The following CACNA1I variants were observed in gnomAD, a reference collection of about 807,000 sequenced individuals.
CACNA1I encodes the protein voltage-dependent T-type calcium channel subunit alpha-1I.
In CACNA1I, 74 loss-of-function variants were observed where a neutral mutation model predicts 201.6. The observed-to-expected ratio is 0.37, with a 90% CI of 0.30 to 0.45. The LOEUF is 0.45. Ranked by LOEUF, CACNA1I falls within the 20% of genes least tolerant of loss-of-function variation. The pLI is 1.00. For synonymous variants in CACNA1I, 1,431 were observed against 1,345.2 expected, an observed-to-expected ratio of 1.06 and a Z score of -1.40; for missense variants, 2,346 against 3,138.1, an observed-to-expected ratio of 0.75 and a Z score of 6.03.
rs368283839 is a variant in CACNA1I, at chr22:39,623,624, CTG to C, written c.580+4230_580+4231del. ...TGTGTGCCTGTGAGGGTGTGTGTGC[CTG>C]TGTGTGTGTGTGCCTGTGTGTGTAT... On this transcript the variant is annotated intron_variant, in intron 4 of 36. Coordinates refer to ENST00000402142, the MANE Select transcript of CACNA1I (RefSeq NM_021096.4). Among the ~76,000 whole-genome samples, 750 of 113,348 alleles carry C rather than the reference CTG, an allele frequency of 6.6e-3. 1 individual carries two copies. Among genetic ancestry groups the C allele is most frequent in the Middle Eastern group, 0.045 (5 of 110 alleles). 74.4% of individuals were successfully genotyped at this position (113,348 alleles called of 152,430 possible).
intron 3 of CACNA1I, among the ~76,000 whole-genome samples, chr22:39,618,777 C>G (rs945883265): frequency 3.9e-5 from 6 of 151,954 alleles, no homozygotes; most frequent in Non-Finnish European, 7.4e-5. Context: ...ATCTCCCAGT[C>G]GCCCTCAAAT....
At chr22:39,594,224 C>T (rs927384832) in intron 1 of CACNA1I, among the ~76,000 whole-genome samples, 6 of 152,088 alleles carry the variant, frequency 3.9e-5, no homozygotes, top group Admixed American at 6.5e-5. Context: ...TGCTGACCTC[C>T]ACTGCTCAGG....
intron 3 of CACNA1I, among the ~76,000 whole-genome samples, chr22:39,618,689 C>T (rs1933635889): frequency 6.6e-6 from 1 of 151,080 alleles, no homozygotes; most frequent in African/African-American, 2.4e-5. Flanking sequence ...GTGCTGAAGT[C>T]CTGGGGTGGG....
At position 39,642,827 on chromosome 22, in the gene CACNA1I, A is replaced by T. The variant is rs771841014; in HGVS notation, c.1087A>T (p.Met363Leu). 1 of 1,611,804 alleles carries T rather than the reference A, an allele frequency of 6.2e-7. No homozygotes were observed. The highest frequency in any genetic ancestry group is 1.7e-5 in the Admixed American group (1 of 59,764). The change falls in exon 7 of 37, where the codon ATG becomes TTG. Residue 363 changes from methionine (M) to leucine (L), a missense_variant. Coordinates refer to ENST00000402142, the MANE Select transcript of CACNA1I (RefSeq NM_021096.4). The stretch of plus-strand genomic sequence containing the variant: ...CACTCTGGAAGGCTGGGTGGAGATC[A>T]TGTACTACGTGATGGATGCTCACTC... ...VITLEGWVEI[M>L]YYVMDAHSFY... is the part of the protein sequence containing the mutation.
intron 1 of CACNA1I, among the ~76,000 whole-genome samples, chr22:39,593,656 G>C (rs957729570): frequency 3.3e-5 from 5 of 152,170 alleles, no homozygotes; most frequent in Non-Finnish European, 5.9e-5. Flanking sequence ...GGGGAGCCAT[G>C]GGAGGTTCTT....
rs372408370 is a variant in CACNA1I at position 39,661,215 on chromosome 22, C to T, written c.2806C>T (p.Leu936Phe). The T allele has an allele frequency of 6.8e-6, 11 of 1,612,286 alleles. No homozygotes were observed. The Admixed American group carries it at 1.0e-4, about 15-fold the overall frequency. ...PAGAAGPAPR[L>F]SLQPDPMLVA... ...TGGGGCTGCGGGACCTGCCCCCCGA[C>T]TCTCACTGCAGCCGGACCCCATGCT... The change falls in exon 16 of 37, where the codon CTC becomes TTC. Residue 936 changes from leucine (L) to phenylalanine (F), a missense_variant. Coordinates refer to ENST00000402142, the MANE Select transcript of CACNA1I (RefSeq NM_021096.4).
intron 1 of CACNA1I, among the ~76,000 whole-genome samples, chr22:39,581,993 C>T (rs1317108894): frequency 6.6e-6 from 1 of 152,170 alleles, no homozygotes; most frequent in African/African-American, 2.4e-5. Flanking sequence ...GAGGAGAAGG[C>T]TTGGTTGGCT....
intron 5 of CACNA1I, among the ~76,000 whole-genome samples, chr22:39,639,210 G>A (rs1216350550): frequency 6.6e-6 from 1 of 152,200 alleles, no homozygotes; most frequent in East Asian, 1.9e-4. Context: ...TGGGACAGAG[G>A]CCATGTGCTC....
chr22:39,670,546 G>A (rs1366497696), intron 25 of CACNA1I, among the ~76,000 whole-genome samples: 5 of 152,204 alleles, frequency 3.3e-5, no homozygotes, highest in Non-Finnish European at 7.4e-5. Flanking sequence ...CAGGCCCAGA[G>A]CTCCTGCCAC....
At chr22:39,613,670 G>A (rs1385285215) in intron 3 of CACNA1I, among the ~76,000 whole-genome samples, 3 of 152,202 alleles carry the variant, frequency 2.0e-5, no homozygotes, top group Non-Finnish European at 4.4e-5. Context: ...TGGTCCTAGT[G>A]CTGTGGTGGG....
chr22:39,681,681 A>G (rs1204960946), intron 34 of CACNA1I, among the ~76,000 whole-genome samples: 3 of 147,770 alleles, frequency 2.0e-5, no homozygotes, highest in East Asian at 2.1e-4. Flanking sequence ...AGATCTCAAG[A>G]CCTGGGCTCC....
Position 39,659,253 on chromosome 22 carries a change from C to A in CACNA1I, c.2330+137C>A. 1.8e-6 allele frequency: 2 copies of A among 1,126,252 alleles called. No individual in the cohort carries two copies. The highest frequency in any genetic ancestry group is 1.5e-5 in the South Asian group (1 of 68,038). 69.8% of individuals were successfully genotyped at this position (1,126,252 alleles called of 1,614,324 possible). ...GTGAAGCCTGACACTGTTCCTCAGT[C>A]CCCTGTGGCTTTCAGCAAGCATGAA... On this transcript the variant is annotated intron_variant, in intron 12 of 36. Transcript: ENST00000402142. This position sits in a 1 kb window ranked among gnomAD's most constrained non-coding sequence, Gnocchi z 4.3.
intron 3 of CACNA1I, among the ~76,000 whole-genome samples, chr22:39,605,438 C>T (rs979243249): frequency 1.3e-5 from 2 of 152,046 alleles, no homozygotes; most frequent in Non-Finnish European, 2.9e-5. Context: ...GGAGCTGAAA[C>T]TGATCTTCCT....
In CACNA1I at chr22:39,675,391, C is replaced by T. The variant is rs1297410983; in HGVS notation, c.4854+1358C>T. On this transcript the variant is annotated intron_variant, in intron 29 of 36. Coordinates refer to ENST00000402142, the MANE Select transcript of CACNA1I (RefSeq NM_021096.4). ...CTTGCTCCCTCTCCCCTTCCCCATGCTCTGACCCCTGGGCGGTTCTATCAT... is the reference window on the plus strand; with the variant it reads ...CTTGCTCCCTCTCCCCTTCCCCATGTTCTGACCCCTGGGCGGTTCTATCAT... Among the ~76,000 whole-genome samples the T allele has an allele frequency of 5.3e-5, 8 of 152,268 alleles. No homozygotes were observed. The South Asian group carries it at 1.7e-3, about 32-fold the overall frequency.
chr22:39,686,111 C>T lies in CACNA1I; in HGVS notation c.6378C>T (p.Thr2126=). The T allele has an allele frequency of 7.9e-6, 10 of 1,261,022 alleles. No homozygotes were observed. The highest frequency in any genetic ancestry group is 9.9e-6 in the Non-Finnish European group (10 of 1,006,766). 78.1% of individuals were successfully genotyped at this position (1,261,022 alleles called of 1,614,324 possible). A position where few individuals can be genotyped will look rare whatever the true frequency, so the allele number is the denominator to read the frequency against. ...GGGAGSEHSE[T]LSSLSLTSLF... ...GCGCGGGCAGCGAGCACTCGGAGAC[C>T]CTCAGCAGCCTCTCGCTCACCTCCC... The change falls in exon 37 of 37, where the codon ACC becomes ACT. Residue 2126 remains threonine (T), a synonymous_variant. Coordinates refer to ENST00000402142, the MANE Select transcript of CACNA1I (RefSeq NM_021096.4).
chr22:39,593,377 T>A (rs1014252936), intron 1 of CACNA1I, among the ~76,000 whole-genome samples: 1 of 152,108 alleles, frequency 6.6e-6, no homozygotes, highest in Admixed American at 6.5e-5. Flanking sequence ...CTGTGGTACG[T>A]GCTAGCCAGG....
intron 4 of CACNA1I, among the ~76,000 whole-genome samples, chr22:39,623,690 C>T (rs1443825882): frequency 8.0e-6 from 1 of 124,652 alleles, no homozygotes; most frequent in Non-Finnish European, 1.7e-5. Context: ...GGGTGTGTGG[C>T]TGTGAGGGTG....
At chr22:39,594,113 G>A (rs554502919) in intron 1 of CACNA1I, among the ~76,000 whole-genome samples, 2 of 152,332 alleles carry the variant, frequency 1.3e-5, no homozygotes, top group South Asian at 4.1e-4. Context: ...GAGTCCAGCA[G>A]GCCTGGTGTG....
At chr22:39,622,530 G>A (rs1601469364) in intron 4 of CACNA1I, among the ~76,000 whole-genome samples, 1 of 151,346 alleles carries the variant, frequency 6.6e-6, no homozygotes, top group African/African-American at 2.4e-5. Flanking sequence ...TGTGCCTGAG[G>A]GCAGTGGGAG....
Sources: allele counts gnomAD v4.1 joint callset (sites outside exome capture counted in the v4.1 genomes callset), GRCh38; gene constraint gnomAD v4.1.1; non-coding constraint Gnocchi (gnomAD v3.1); transcripts MANE v1.5; gene names NCBI Gene and HGNC (gene_info 2026-07-23, HGNC 2026-07-21).